NBEA: variants seen among roughly 807,000 people sequenced by gnomAD.
The protein encoded by NBEA is neurobeachin, also known as lysosomal-trafficking regulator 2.
NBEA carries 44 observed loss-of-function variants against 343.4 expected under a neutral mutation model. The ratio of observed to expected loss-of-function variants is 0.13; its 90% CI spans 0.10 to 0.16. The LOEUF is 0.16. NBEA is among the 10% of genes least tolerant of loss of function. The probability of loss-of-function intolerance (pLI) is 1.00; values close to 1 mark genes in which losing one functional copy is unlikely to be tolerated. For synonymous variants in NBEA, 1,175 were observed against 1,238.7 expected (o/e 0.95, Z 1.08); for missense variants, 2,555 against 3,631.3 (o/e 0.70, Z 7.62).
chr13:35,312,427 T>C (rs1372385073), intron 36 of NBEA, among the ~76,000 whole-genome samples: 1 of 152,210 alleles, frequency 6.6e-6, no homozygotes, highest in East Asian at 1.9e-4. Flanking sequence ...GTGAGACATG[T>C]TACTGGAGAG....
At chr13:35,387,071 C>G (rs1294373284) in intron 38 of NBEA, among the ~76,000 whole-genome samples, 1 of 152,032 alleles carries the variant, frequency 6.6e-6, no homozygotes, top group Admixed American at 6.6e-5. Flanking sequence ...AGACTAAGCT[C>G]TATCTTATAG....
chr13:35,239,476 G>T (rs1439960898), intron 34 of NBEA, among the ~76,000 whole-genome samples: 9 of 152,088 alleles, frequency 5.9e-5, no homozygotes, highest in Non-Finnish European at 1.3e-4. Flanking sequence ...AAACTGTTAT[G>T]TAATGTTGGA....
chr13:35,214,747 A>T (rs1490389363), intron 33 of NBEA, among the ~76,000 whole-genome samples: 1 of 151,726 alleles, frequency 6.6e-6, no homozygotes, highest in Non-Finnish European at 1.5e-5. Flanking sequence ...CCATTTGTAA[A>T]TCATAAGAAA....
chr13:35,410,852 A>AG (rs2043539878), intron 38 of NBEA, among the ~76,000 whole-genome samples: 2 of 152,182 alleles, frequency 1.3e-5, no homozygotes, highest in Admixed American at 1.3e-4. Context: ...TTGTTTGATA[A>AG]GGGGAATGAG....
At chr13:35,375,179 C>T (rs578061729) in intron 38 of NBEA, among the ~76,000 whole-genome samples, 38 of 152,232 alleles carry the variant, frequency 2.5e-4, no homozygotes, top group African/African-American at 7.9e-4. Context: ...ACACACACAA[C>T]TTTTGAACGC....
chr13:34,971,075 T>C (rs1019244904), intron 1 of NBEA, among the ~76,000 whole-genome samples: 1 of 152,176 alleles, frequency 6.6e-6, no homozygotes, highest in Non-Finnish European at 1.5e-5. Context: ...TAGTTGTCAC[T>C]GTAGAGATCT....
At position 35,472,418 on chromosome 13, in the gene NBEA, C is replaced by G. The variant is rs375057210; in HGVS notation, c.6467C>G (p.Thr2156Ser). 12 of 1,613,698 alleles carry G rather than the reference C, an allele frequency of 7.4e-6. No homozygotes were observed. The highest frequency in any genetic ancestry group is 1.0e-5 in the Non-Finnish European group (12 of 1,179,898). Residue 2156 changes from threonine (T) to serine (S), a missense_variant, in exon 41 of 59, where the codon ACC (threonine) becomes AGC (serine). Coordinates refer to ENST00000379939, the MANE Select transcript of NBEA (RefSeq NM_001385012.1). ...DNLAGPVVLS[T>S]PAQLIAPVVV... ...CTTGCAGGCCCAGTGGTTCTCAGCA[C>G]CCCTGCCCAGCTCATCGCTCCCGTG...
intron 10 of NBEA, among the ~76,000 whole-genome samples, chr13:35,085,530 A>G (rs542359990): frequency 6.6e-6 from 1 of 152,294 alleles, no homozygotes; most frequent in East Asian, 1.9e-4. Flanking sequence ...ACAAAATTCA[A>G]CAACCTTCAT....
rs191303398 is a variant in NBEA at position 35,342,518 on chromosome 13, T to A, written c.5904-6590T>A. ...AGAAAATCTCATAATGACAAAACTA[T>A]ACAAGGAGAAAAGTATGCAAACAAA... On this transcript the variant is annotated intron_variant, in intron 36 of 58. Transcript: ENST00000379939. Among the ~76,000 whole-genome samples the A allele has an allele frequency of 2.0e-3, 305 of 152,116 alleles. 1 individual carries two copies. Among genetic ancestry groups the A allele is most frequent in the African/African-American group, 6.8e-3 (281 of 41,544 alleles).
intron 41 of NBEA, among the ~76,000 whole-genome samples, chr13:35,494,287 T>G (rs2152975659): frequency 6.6e-6 from 1 of 152,032 alleles, no homozygotes; most frequent in African/African-American, 2.4e-5. Context: ...ATTAGAGAAT[T>G]TTGCTTGGCA....
chr13:35,343,868 C>T (rs1017463188), intron 36 of NBEA, among the ~76,000 whole-genome samples: 10 of 152,022 alleles, frequency 6.6e-5, no homozygotes, highest in African/African-American at 2.2e-4. Context: ...ATAATTATTT[C>T]ATTATATATT....
chr13:35,177,157 T>A (rs2070960904), intron 28 of NBEA, 54 bp downstream of exon 28: 2 of 1,340,444 alleles, frequency 1.5e-6, no homozygotes, highest in Admixed American at 2.0e-5. Flanking sequence ...GTCATTCGTA[T>A]GAAATACGTT....
intron 47 of NBEA, among the ~76,000 whole-genome samples, chr13:35,598,687 C>T (rs933671064): frequency 1.6e-4 from 24 of 152,166 alleles, no homozygotes; most frequent in African/African-American, 5.3e-4. Flanking sequence ...ATCCCTTTCT[C>T]GTGAATCACT....
At chr13:35,664,820 T>C (rs908576770) in intron 55 of NBEA, among the ~76,000 whole-genome samples, 1 of 152,232 alleles carries the variant, frequency 6.6e-6, no homozygotes, top group African/African-American at 2.4e-5. Flanking sequence ...AGAAAAAGAA[T>C]AGCCATTACC....
intron 1 of NBEA, among the ~76,000 whole-genome samples, chr13:34,976,651 TTTG>T (rs2060185740): frequency 6.6e-6 from 1 of 150,586 alleles, no homozygotes; most frequent in African/African-American, 2.5e-5. Context: ...TTCTTTGTTT[TTTG>T]TTTTTTTTTT....
rs901260139 is a variant in NBEA, at chr13:34,942,640, C to T, written c.-181C>T. On this transcript the variant is annotated 5_prime_UTR_variant, in exon 1 of 59. Coordinates refer to ENST00000379939, the MANE Select transcript of NBEA (RefSeq NM_001385012.1). ...AAGCCTGCGGATCCCCCGCCGCCTC[C>T]GCGGGGGAGAGCGCCGGAGCGGGCC... The T allele has an allele frequency of 2.8e-6, 1 of 356,132 alleles. No individual in the cohort carries two copies. Among genetic ancestry groups the T allele is most frequent in the Non-Finnish European group, 4.9e-6 (1 of 204,252 alleles). 22.1% of individuals were successfully genotyped at this position (356,132 alleles called of 1,614,324 possible). A position where few individuals can be genotyped will look rare whatever the true frequency, so the allele number is the denominator to read the frequency against.
chr13:35,654,266 G>A (rs2084696322), intron 53 of NBEA, among the ~76,000 whole-genome samples: 1 of 151,926 alleles, frequency 6.6e-6, no homozygotes, highest in Non-Finnish European at 1.5e-5. Context: ...CATCTTTTTT[G>A]TTCCTCTCCT....
At chr13:34,983,168 C>T (rs2060417539) in intron 1 of NBEA, among the ~76,000 whole-genome samples, 1 of 152,100 alleles carries the variant, frequency 6.6e-6, no homozygotes, top group Admixed American at 6.5e-5. Flanking sequence ...CTATACCTCC[C>T]CCTGACCCCC....
At chr13:35,352,109 T>C in intron 37 of NBEA, 48 bp from the exon 38 acceptor site, 14 of 1,169,928 alleles carry the variant, frequency 1.2e-5, no homozygotes, top group Non-Finnish European at 1.3e-5. Context: ...TCCTTACTTA[T>C]ATGCAGTAAA....
Sources: allele counts gnomAD v4.1 joint callset (sites outside exome capture counted in the v4.1 genomes callset), GRCh38; gene constraint gnomAD v4.1.1; transcripts MANE v1.5; gene names NCBI Gene and HGNC (gene_info 2026-07-23, HGNC 2026-07-21).